Variants in KIF22 observed in about 807,000 individuals in gnomAD.
KIF22 encodes kinesin-like protein KIF22.
In KIF22, 62 loss-of-function variants were observed where a neutral mutation model predicts 73.0. That is an observed-to-expected ratio of 0.85 (90% CI 0.69 to 1.05). The LOEUF (loss-of-function observed/expected upper bound fraction) is 1.05. KIF22 is among the 50% of genes least tolerant of loss of function. KIF22 has a pLI of 0.00. For missense variants in KIF22, 854 were observed against 870.1 expected, an observed-to-expected ratio of 0.98 and a Z score of 0.23; for synonymous variants, 411 against 340.1, an observed-to-expected ratio of 1.21 and a Z score of -2.29.
At chr16:29,799,866 C>T in intron 7 of KIF22, 47 bp from the exon 8 acceptor site, 1 of 1,612,346 alleles carries the variant, frequency 6.2e-7, no homozygotes, top group African/African-American at 1.3e-5. Flanking sequence ...AGCACAGAGG[C>T]TGACCACCCC....
rs1011826834 is a variant in KIF22 at position 29,805,272 on chromosome 16, C to G, written c.1960C>G (p.Leu654Val). 5 of 1,614,072 alleles carry G rather than the reference C, an allele frequency of 3.1e-6. No individual in the cohort carries two copies. The highest frequency in any genetic ancestry group is 3.4e-6 in the Non-Finnish European group (4 of 1,180,044). ...QMESFLKANI[L>V]GLAAGQRCGA... ...CCCTCCTGTGTTGCAGGCAAACATCCTGGGTCTCGCCGCCGGCCAGCGCTG... is the reference window on the plus strand; with the variant it reads ...CCCTCCTGTGTTGCAGGCAAACATCGTGGGTCTCGCCGCCGGCCAGCGCTG... Residue 654 changes from leucine (L) to valine (V), a missense_variant, in exon 14 of 14, where the codon CTG becomes GTG. By Grantham distance (32) the Leu-to-Val change is conservative (BLOSUM62 1). Around this residue, in one of 3 missense-constraint regions of KIF22, gnomAD observed 423 missense variants for 365.4 expected, o/e 1.16. Transcript: ENST00000160827.
At chr16:29,804,606 A>C (rs1452853819) in intron 11 of KIF22, 1 of 696,052 alleles carries the variant, frequency 1.4e-6, no homozygotes, top group South Asian at 1.5e-5. Context: ...TAATATTACC[A>C]CTGGGTACTG....
intron 9 of KIF22, 192 bp from the exon 10 acceptor site, chr16:29,803,257 C>T (rs1899203458): frequency 4.5e-6 from 3 of 663,536 alleles, no homozygotes; most frequent in East Asian, 2.8e-5. Flanking sequence ...GCTTGTTCCA[C>T]CTCTGGGTAG....
In KIF22 at chr16:29,799,305, G is replaced by A. The variant is rs139563547; in HGVS notation, c.801G>A (p.Glu267=). 1 of 1,614,158 alleles carries A rather than the reference G, an allele frequency of 6.2e-7. No homozygotes were observed. Among genetic ancestry groups the A allele is most frequent in the Non-Finnish European group, 8.5e-7 (1 of 1,180,000 alleles). Residue 267 remains glutamate (E), a synonymous_variant, in exon 6 of 14, where the codon GAG becomes GAA. Coordinates refer to ENST00000160827, the MANE Select transcript of KIF22 (RefSeq NM_007317.3). The part of the protein sequence containing the change: ...RERLAPFRQR[E]GKLYLIDLAG... The stretch of plus-strand genomic sequence containing the variant: ...GTTTGGCCCCATTTCGCCAGCGAGA[G>A]GGAAAACTCTACCTGATTGACTTGG...
intron 12 of KIF22, 25 bp from the exon 13 acceptor site, chr16:29,805,090 T>A (rs1419748855): frequency 2.5e-6 from 4 of 1,611,554 alleles, no homozygotes. Flanking sequence ...CGAGACCCTG[T>A]CCCCTATCGA....
chr16:29,799,989 AGAG>A lies in KIF22; in HGVS notation c.1225_1227del (p.Glu409del), dbSNP rs1899081751. ...CAAAGAGAGCCCGAGGCCCTGAGGA[AGAG>A]GAGATCGGGAGCCCTGAGCCCATGG... On this transcript the variant is annotated inframe_deletion, in exon 8 of 14. Transcript: ENST00000160827. 6.2e-7 allele frequency: 1 copy of A among 1,614,124 alleles called. No homozygotes were observed. The highest frequency in any genetic ancestry group is 1.3e-5 in the African/African-American group (1 of 75,068).
Position 29,798,634 on chromosome 16 carries a change from G to A in KIF22, c.436G>A (p.Val146Met), listed in dbSNP as rs746349728. 1.5e-5 allele frequency: 24 copies of A among 1,614,188 alleles called. 1 individual carries two copies. In the South Asian group the frequency reaches 2.6e-4, roughly 18 times the overall value. The change falls in exon 4 of 14, where the codon GTG (valine) becomes ATG (methionine). Residue 146 changes from valine (V) to methionine (M), a missense_variant. Transcript: ENST00000160827. This position sits in a 1 kb window ranked among gnomAD's most constrained non-coding sequence, Gnocchi z 4.1. ...TMLGSPEQPGVIPRALMDLLQ... is the reference protein window; with the variant it reads ...TMLGSPEQPGMIPRALMDLLQ... ...GCTGGGCAGCCCAGAGCAACCTGGG[G>A]TGATCCCGCGGGCTCTCATGGACCT...
intron 8 of KIF22, 155 bp downstream of exon 8, chr16:29,800,203 C>G: frequency 1.2e-6 from 1 of 867,406 alleles, no homozygotes; most frequent in Non-Finnish European, 1.7e-6. Flanking sequence ...TCCTGTAACC[C>G]CAGCACTTTG....
intron 10 of KIF22, 95 bp from the exon 11 acceptor site, chr16:29,803,903 G>T: frequency 2.1e-6 from 2 of 947,414 alleles, no homozygotes; most frequent in East Asian, 2.4e-5. Context: ...GGATGGAGGG[G>T]AGCTGGGGAA....
At chr16:29,791,186 G>A in intron 1 of KIF22, 1 of 1,139,148 alleles carries the variant, frequency 8.8e-7, no homozygotes, top group Non-Finnish European at 1.1e-6. Flanking sequence ...AGTGGCGGAC[G>A]CTCTAGCCAC....
At chr16:29,796,783 A>G (rs1898962816) in intron 1 of KIF22, 110 bp from the exon 2 acceptor site, 1 of 999,844 alleles carries the variant, frequency 1.0e-6, no homozygotes, top group Non-Finnish European at 1.5e-6. Flanking sequence ...CCAGGGCAGA[A>G]TGAGCTTCTC....
intron 1 of KIF22, among the ~76,000 whole-genome samples, chr16:29,795,196 C>CCTG (rs1419194402): frequency 6.6e-6 from 1 of 152,200 alleles, no homozygotes; most frequent in Non-Finnish European, 1.5e-5. Context: ...CAGGTTTTTA[C>CCTG]CTGCTTGCTC....
At chr16:29,803,731 G>T (rs1899229273) in intron 10 of KIF22, 123 bp downstream of exon 10, 2 of 881,310 alleles carry the variant, frequency 2.3e-6, no homozygotes, top group South Asian at 3.4e-5. Context: ...CCAGGGAGGG[G>T]TGAGGAGGCT....
intron 8 of KIF22, among the ~76,000 whole-genome samples, chr16:29,801,021 A>G (rs1197854353): frequency 6.6e-6 from 1 of 152,172 alleles, no homozygotes; most frequent in East Asian, 1.9e-4. Flanking sequence ...CATGAGAGCA[A>G]AGCAAAGGAG....
chr16:29,799,644 C>T lies in KIF22; in HGVS notation c.1007C>T (p.Ser336Leu), dbSNP rs1272070311. ...TRLLQDSLGG[S>L]AHSILIANIA... ...CACCCTCAGGACTCTCTGGGTGGCTCAGCCCACAGTATCCTTATTGCCAAC... is the reference window on the plus strand; with the variant it reads ...CACCCTCAGGACTCTCTGGGTGGCTTAGCCCACAGTATCCTTATTGCCAAC... The change falls in exon 7 of 14, where the codon TCA becomes TTA. Residue 336 changes from serine to leucine, a missense_variant. Physicochemically the swap from Ser to Leu is moderately radical, Grantham distance 145. Transcript: ENST00000160827. 11 of 1,614,078 alleles carry T rather than the reference C, an allele frequency of 6.8e-6. No individual in the cohort carries two copies. Among genetic ancestry groups the T allele is most frequent in the African/African-American group, 1.3e-5 (1 of 75,024 alleles).
At chr16:29,804,149 G>A (rs1394781386) in intron 11 of KIF22, 84 bp downstream of exon 11, 4 of 1,122,430 alleles carry the variant, frequency 3.6e-6, no homozygotes, top group Non-Finnish European at 5.4e-6. Context: ...GTTGGCCTTG[G>A]GGTTAAACGA....
At chr16:29,803,373 T>C in intron 9 of KIF22, 76 bp from the exon 10 acceptor site, 15 of 1,568,340 alleles carry the variant, frequency 9.6e-6, no homozygotes, top group Non-Finnish European at 1.3e-5. Context: ...CCTTGCATAC[T>C]CACCCTGGTA....
rs1382494049 is a variant in KIF22 at position 29,798,583 on chromosome 16, C to G, written c.395-10C>G. ...GGAAAACCTCACAGTTTTCTCCACT[C>G]TCTTCCCAGGGAAGACGCACACAAT... is the stretch of plus-strand genomic sequence containing the variant. On this transcript the variant is annotated splice_polypyrimidine_tract_variant and intron_variant, in intron 3 of 13. Coordinates refer to ENST00000160827, the MANE Select transcript of KIF22 (RefSeq NM_007317.3). The surrounding 1 kb of genome is among the most constrained non-coding windows in gnomAD (Gnocchi z 4.1). 4 of 1,613,890 alleles carry G rather than the reference C, an allele frequency of 2.5e-6. No homozygotes were observed. Among genetic ancestry groups the G allele is most frequent in the South Asian group, 1.1e-5 (1 of 91,082 alleles).
At chr16:29,794,907 A>G (rs949610474) in intron 1 of KIF22, among the ~76,000 whole-genome samples, 2 of 152,002 alleles carry the variant, frequency 1.3e-5, no homozygotes, top group Non-Finnish European at 2.9e-5. Flanking sequence ...CCCACCCCCA[A>G]CCTTATTTTA....
Sources: gnomAD v4.1 joint callset for allele counts (sites outside exome capture counted in the v4.1 genomes callset) on GRCh38, gnomAD v4.1.1 for gene constraint, gnomAD v4.1.1 regional missense constraint, Gnocchi (gnomAD v3.1) non-coding constraint, MANE v1.5 for transcripts, NCBI Gene and HGNC (gene_info 2026-07-23, HGNC 2026-07-21) for gene names.